FAM117B: variants seen among roughly 807,000 people sequenced by gnomAD.
FAM117B encodes family with sequence similarity 117 member B.
Under a neutral mutation model 52.8 loss-of-function variants are expected in FAM117B, and 22 were observed. The observed-to-expected ratio is 0.42, with a 90% CI of 0.30 to 0.59. FAM117B has a LOEUF of 0.59. Among genes scored for constraint, FAM117B ranks in the 20% least tolerant of loss-of-function variants. FAM117B has a pLI of 0.22. For synonymous variants in FAM117B, 309 were observed against 324.1 expected, an observed-to-expected ratio of 0.95 and a Z score of 0.50; for missense variants, 678 against 802.6, an observed-to-expected ratio of 0.84 and a Z score of 1.88.
At chr2:202,735,672 T>G (rs1691426725) in intron 4 of FAM117B, among the ~76,000 whole-genome samples, 2 of 152,222 alleles carry the variant, frequency 1.3e-5, no homozygotes, top group South Asian at 4.1e-4. Flanking sequence ...ATTATTTGAT[T>G]GAGTGTTAGA....
At chr2:202,725,378 G>T (rs1385917875) in intron 3 of FAM117B, 1 of 159,756 alleles carries the variant, frequency 6.3e-6, no homozygotes, top group Non-Finnish European at 1.4e-5. Flanking sequence ...GAGTGCAGTG[G>T]TGCGATCTTG....
At chr2:202,739,676 C>T (rs1426115215) in intron 4 of FAM117B, among the ~76,000 whole-genome samples, 7 of 152,048 alleles carry the variant, frequency 4.6e-5, no homozygotes, top group East Asian at 1.9e-4. Flanking sequence ...AGCCTGGTCT[C>T]GAAGTCTGGT....
chr2:202,683,938 C>T (rs1690499864), intron 1 of FAM117B, among the ~76,000 whole-genome samples: 1 of 151,940 alleles, frequency 6.6e-6, no homozygotes, highest in Admixed American at 6.6e-5. Context: ...GCGATCATGG[C>T]TCACTGCATC....
At chr2:202,656,714 G>A (rs1408311437) in intron 1 of FAM117B, among the ~76,000 whole-genome samples, 1 of 152,138 alleles carries the variant, frequency 6.6e-6, no homozygotes, top group Non-Finnish European at 1.5e-5. Context: ...CAGATTGATT[G>A]ATAGTGGTTT....
At chr2:202,723,292 G>C (rs1691180721) in intron 2 of FAM117B, among the ~76,000 whole-genome samples, 2 of 152,070 alleles carry the variant, frequency 1.3e-5, no homozygotes, top group Admixed American at 1.3e-4. Flanking sequence ...TTAGTAATTG[G>C]TACGTTAATA....
At chr2:202,684,552 A>G (rs1690510499) in intron 1 of FAM117B, among the ~76,000 whole-genome samples, 1 of 151,972 alleles carries the variant, frequency 6.6e-6, no homozygotes, top group South Asian at 2.1e-4. Context: ...TTTGCTAATG[A>G]TTTTGTTGTT....
intron 4 of FAM117B, among the ~76,000 whole-genome samples, chr2:202,754,292 G>A (rs768376832): frequency 8.5e-5 from 13 of 152,058 alleles, no homozygotes; most frequent in East Asian, 1.9e-4. Context: ...ACTGAACACC[G>A]CATGTTCTCA....
At chr2:202,669,309 C>T (rs1205014735) in intron 1 of FAM117B, among the ~76,000 whole-genome samples, 3 of 152,036 alleles carry the variant, frequency 2.0e-5, no homozygotes, top group Non-Finnish European at 4.4e-5. Flanking sequence ...ATCTTTAAAA[C>T]ATAGATATTT....
chr2:202,756,248 C>T (rs564184615), intron 5 of FAM117B, among the ~76,000 whole-genome samples: 1 of 152,178 alleles, frequency 6.6e-6, no homozygotes, highest in South Asian at 2.1e-4. Context: ...GAAACCCCGT[C>T]TCTACTAAAA....
At chr2:202,707,002 A>T (rs1690880675) in intron 2 of FAM117B, among the ~76,000 whole-genome samples, 1 of 152,104 alleles carries the variant, frequency 6.6e-6, no homozygotes, top group Non-Finnish European at 1.5e-5. Context: ...TGTTAGATCA[A>T]ATTTCTCTAG....
chr2:202,724,938 G>T lies in FAM117B; in HGVS notation c.775G>T (p.Glu259Ter). 2 of 1,612,292 alleles carry T rather than the reference G, an allele frequency of 1.2e-6. No homozygotes were observed. Among genetic ancestry groups the T allele is most frequent in the Non-Finnish European group, 1.7e-6 (2 of 1,178,936 alleles). Residue 259 changes from glutamate (E) to a stop codon, truncating the protein, a stop_gained, in exon 3 of 8, where the codon GAA (glutamate) becomes TAA (stop). Transcript: ENST00000392238. LOFTEE classifies it high-confidence loss of function. The part of the protein sequence containing the change: ...ATQTESAWAE[E>*]YSEKKKGSHK... ...ACAGACAGAGAGTGCATGGGCTGAAGAATACTCTGAAAAGAAGAAAGGGTC... is the reference window on the plus strand; with the variant it reads ...ACAGACAGAGAGTGCATGGGCTGAATAATACTCTGAAAAGAAGAAAGGGTC...
chr2:202,675,345 C>G (rs1264441400), intron 1 of FAM117B, among the ~76,000 whole-genome samples: 1 of 147,020 alleles, frequency 6.8e-6, no homozygotes, highest in Non-Finnish European at 1.5e-5. Flanking sequence ...ACTTGGGAGG[C>G]TGAGGAGGGA....
intron 2 of FAM117B, among the ~76,000 whole-genome samples, chr2:202,716,131 T>C (rs1691052307): frequency 6.6e-6 from 1 of 152,248 alleles, no homozygotes; most frequent in Admixed American, 6.5e-5. Flanking sequence ...TTTATCATTA[T>C]GTAGTGACCT....
intron 4 of FAM117B, among the ~76,000 whole-genome samples, chr2:202,730,222 A>G (rs1691317913): frequency 6.6e-6 from 1 of 152,144 alleles, no homozygotes; most frequent in Non-Finnish European, 1.5e-5. Flanking sequence ...GAGGTCAGGT[A>G]TATTGTTTAA....
intron 1 of FAM117B, among the ~76,000 whole-genome samples, chr2:202,689,209 G>A (rs968953588): frequency 2.6e-5 from 4 of 152,184 alleles, no homozygotes; most frequent in African/African-American, 9.7e-5. Flanking sequence ...GGGAGCTTGA[G>A]GTGGGTGGAT....
intron 1 of FAM117B, among the ~76,000 whole-genome samples, chr2:202,683,760 AC>A (rs1690496843): frequency 6.6e-6 from 1 of 152,204 alleles, no homozygotes; most frequent in Admixed American, 6.6e-5. Flanking sequence ...TTGCTCATAA[AC>A]CCTTTAAGAA....
At chr2:202,713,148 C>A (rs1335372827) in intron 2 of FAM117B, among the ~76,000 whole-genome samples, 1 of 152,054 alleles carries the variant, frequency 6.6e-6, no homozygotes, top group Non-Finnish European at 1.5e-5. Flanking sequence ...GCACTGAAGC[C>A]ATTGGGTCCT....
At chr2:202,746,397 T>A (rs1354126387) in intron 4 of FAM117B, among the ~76,000 whole-genome samples, 1 of 151,746 alleles carries the variant, frequency 6.6e-6, no homozygotes, top group Admixed American at 6.6e-5. Flanking sequence ...TAAAAAAAAA[T>A]TTCTTGAAGC....
At chr2:202,646,810 T>C (rs924601668) in intron 1 of FAM117B, among the ~76,000 whole-genome samples, 21 of 152,306 alleles carry the variant, frequency 1.4e-4, no homozygotes, top group Admixed American at 1.3e-4. Context: ...TTTTTCCTTC[T>C]AAAGAAATTC....
Sources: gnomAD v4.1 joint callset for allele counts (sites outside exome capture counted in the v4.1 genomes callset) on GRCh38, gnomAD v4.1.1 for gene constraint, MANE v1.5 for transcripts, NCBI Gene and HGNC (gene_info 2026-07-23, HGNC 2026-07-21) for gene names.